Variants in RBFOX1 observed in about 807,000 individuals in gnomAD.
The protein encoded by RBFOX1 is RNA binding fox-1 homolog 1, also known as RNA binding protein fox-1 homolog 1.
In RBFOX1, 8 loss-of-function variants were observed where a neutral mutation model predicts 57.7. That is an observed-to-expected ratio of 0.14 (90% CI 0.08 to 0.25). The LOEUF (loss-of-function observed/expected upper bound fraction) is 0.25, where lower values mean the gene tolerates loss of function less well. RBFOX1 is among the 10% of genes least tolerant of loss of function. The pLI is 1.00. For synonymous variants in RBFOX1, 326 were observed against 222.4 expected, an observed-to-expected ratio of 1.47 and a Z score of -4.15; for missense variants, 611 against 548.5, an observed-to-expected ratio of 1.11 and a Z score of -1.14.
chr16:6,493,507 C>G (rs1036919632), intron 2 of RBFOX1, among the ~76,000 whole-genome samples: 1 of 152,092 alleles, frequency 6.6e-6, no homozygotes, highest in Admixed American at 6.5e-5. Flanking sequence ...TTTTATTCAT[C>G]TGTGGGTCAT....
chr16:6,347,295 A>G (rs1329767212), intron 2 of RBFOX1, among the ~76,000 whole-genome samples: 3 of 152,172 alleles, frequency 2.0e-5, no homozygotes, highest in Non-Finnish European at 2.9e-5. Context: ...CTCAACCACC[A>G]TCATCATCAT....
intron 1 of RBFOX1, among the ~76,000 whole-genome samples, chr16:5,332,652 A>G (rs2151277399): frequency 6.6e-6 from 1 of 151,494 alleles, no homozygotes; most frequent in South Asian, 2.1e-4. Flanking sequence ...ATTTTTACAT[A>G]TGTGTGTGTG....
intron 3 of RBFOX1, among the ~76,000 whole-genome samples, chr16:6,867,086 C>T (rs1453377820): frequency 6.6e-6 from 1 of 151,554 alleles, no homozygotes; most frequent in African/African-American, 2.4e-5. Context: ...TCATTCTAAC[C>T]AGCAAGAACA....
intron 2 of RBFOX1, among the ~76,000 whole-genome samples, chr16:6,626,794 AAT>A (rs1360487647): frequency 6.6e-6 from 1 of 152,040 alleles, no homozygotes; most frequent in East Asian, 1.9e-4. Context: ...ATAGAAATAA[AAT>A]AAAGTATAGA....
At chr16:6,934,361 G>T (rs1488069514) in intron 3 of RBFOX1, among the ~76,000 whole-genome samples, 1 of 152,114 alleles carries the variant, frequency 6.6e-6, no homozygotes, top group Admixed American at 6.6e-5. Flanking sequence ...TAATAAATAT[G>T]TGAGTATTTT....
chr16:6,821,159 T>A (rs2154276637), intron 3 of RBFOX1, among the ~76,000 whole-genome samples: 1 of 152,312 alleles, frequency 6.6e-6, no homozygotes, highest in Non-Finnish European at 1.5e-5. Context: ...CTGCCCATGT[T>A]CATGATCTCT....
At chr16:7,351,661 T>C (rs1002173888) in intron 4 of RBFOX1, among the ~76,000 whole-genome samples, 5 of 152,198 alleles carry the variant, frequency 3.3e-5, no homozygotes, top group Non-Finnish European at 5.9e-5. Flanking sequence ...CTTGTTCTCT[T>C]TTTTTCGCTT....
At chr16:5,944,254 TA>T (rs2059345862) in intron 4 of RBFOX1, among the ~76,000 whole-genome samples, 1 of 152,232 alleles carries the variant, frequency 6.6e-6, no homozygotes. Context: ...TTGCACTGTG[TA>T]AGTTCAATCT....
intron 4 of RBFOX1, among the ~76,000 whole-genome samples, chr16:7,487,178 G>T (rs891140270): frequency 6.6e-6 from 1 of 152,246 alleles, no homozygotes; most frequent in Non-Finnish European, 1.5e-5. Context: ...GGGATTACAC[G>T]TGTGAGCCAC....
intron 3 of RBFOX1, among the ~76,000 whole-genome samples, chr16:6,721,448 C>T (rs550780519): frequency 2.0e-5 from 3 of 149,628 alleles, no homozygotes; most frequent in Non-Finnish European, 4.4e-5. Context: ...GTCTCAAAAA[C>T]AACAACAACA....
At chr16:7,408,989 C>G (rs1052584799) in intron 4 of RBFOX1, among the ~76,000 whole-genome samples, 3 of 152,152 alleles carry the variant, frequency 2.0e-5, no homozygotes, top group African/African-American at 7.2e-5. Flanking sequence ...TGCATCCCCG[C>G]CCGTCAATTC....
intron 1 of RBFOX1, among the ~76,000 whole-genome samples, chr16:5,374,236 C>T (rs1486597007): frequency 6.6e-6 from 1 of 152,208 alleles, no homozygotes; most frequent in African/African-American, 2.4e-5. Context: ...TTGCACCTGG[C>T]TCGTCAGTTT....
chr16:7,001,741 G>A (rs547411276), intron 3 of RBFOX1, among the ~76,000 whole-genome samples: 5 of 152,234 alleles, frequency 3.3e-5, no homozygotes, highest in Admixed American at 6.5e-5. Context: ...ACAGGGATGC[G>A]TCAACACACT....
chr16:5,422,826 G>GAGGAGGGAGGAGCAGAGAGA (rs1410217015), intron 1 of RBFOX1, among the ~76,000 whole-genome samples: 195 of 140,162 alleles, frequency 1.4e-3, no homozygotes, highest in Non-Finnish European at 2.3e-3. Flanking sequence ...GGAGTGGGAG[G>GAGGAGGGAGGAGCAGAGAGA]AGGAGGGAGG....
At chr16:5,465,576 G>C (rs1268595445) in intron 1 of RBFOX1, among the ~76,000 whole-genome samples, 6 of 152,136 alleles carry the variant, frequency 3.9e-5, no homozygotes, top group Admixed American at 3.9e-4. Flanking sequence ...GTGACTGTAG[G>C]TCAAAGTCAT....
intron 4 of RBFOX1, among the ~76,000 whole-genome samples, chr16:7,063,808 A>G (rs947499364): frequency 3.9e-5 from 6 of 152,188 alleles, no homozygotes; most frequent in African/African-American, 1.4e-4. Flanking sequence ...TAGCATTCGC[A>G]TTGCATCAGG....
intron 3 of RBFOX1, among the ~76,000 whole-genome samples, chr16:6,865,815 G>T (rs2059814491): frequency 6.6e-6 from 1 of 152,102 alleles, no homozygotes; most frequent in African/African-American, 2.4e-5. Context: ...TGCACACGGA[G>T]AATTTTCAGG....
chr16:5,771,060 C>T (rs1029970982), intron 3 of RBFOX1, among the ~76,000 whole-genome samples: 4 of 152,152 alleles, frequency 2.6e-5, no homozygotes, highest in African/African-American at 9.7e-5. Flanking sequence ...CTGAGGCTGC[C>T]TCCCAGATCT....
chr16:5,923,794 G>C (rs543380647), intron 4 of RBFOX1, among the ~76,000 whole-genome samples: 1 of 152,084 alleles, frequency 6.6e-6, no homozygotes, highest in East Asian at 1.9e-4. Flanking sequence ...GCCTACCTCA[G>C]CCTCCCAAAG....
Sources: allele counts gnomAD v4.1 joint callset (sites outside exome capture counted in the v4.1 genomes callset), GRCh38; gene constraint gnomAD v4.1.1; transcripts MANE v1.5; gene names NCBI Gene and HGNC (gene_info 2026-07-23, HGNC 2026-07-21).